RGPD2: variants seen among roughly 807,000 people sequenced by gnomAD.
RGPD2 encodes the protein RANBP2-like and GRIP domain-containing protein 2.
RGPD2 carries 2 observed loss-of-function variants against 36.0 expected under a neutral mutation model. That is an observed-to-expected ratio of 0.06 (90% CI 0.02 to 0.17). The LOEUF (loss-of-function observed/expected upper bound fraction) is 0.17, where lower values mean the gene tolerates loss of function less well. RGPD2 is among the 10% of genes least tolerant of loss of function. The pLI is 1.00. For synonymous variants in RGPD2, 19 were observed against 163.8 expected (o/e 0.12, Z 6.75); for missense variants, 40 against 464.3 (o/e 0.09, Z 8.40).
the RGPD2 span, among the ~76,000 whole-genome samples, chr2:87,887,129 AT>A: frequency 6.6e-6 from 1 of 150,402 alleles, no homozygotes; most frequent in African/African-American, 2.4e-5. Context: ...ATTTAAAAAA[AT>A]GTTAGTTTTC....
chr2:87,911,690 G>C, the RGPD2 span, among the ~76,000 whole-genome samples: 5 of 152,054 alleles, frequency 3.3e-5, no homozygotes, highest in African/African-American at 1.2e-4. Context: ...AGTTAAAATA[G>C]TGTGTTATAC....
the RGPD2 span, among the ~76,000 whole-genome samples, chr2:87,882,166 T>C: frequency 6.6e-6 from 1 of 152,208 alleles, no homozygotes; most frequent in Non-Finnish European, 1.5e-5. Context: ...GGAGAGGACA[T>C]CGAAACTATG....
upstream of RGPD2, among the ~76,000 whole-genome samples, chr2:87,827,420 C>A (rs1686850379): frequency 6.7e-6 from 1 of 149,718 alleles, no homozygotes; most frequent in Admixed American, 6.7e-5. Flanking sequence ...GCTTTTTGAC[C>A]TTGAAAAAGT....
chr2:87,893,494 T>C, the RGPD2 span, among the ~76,000 whole-genome samples: 1,183 of 140,820 alleles, frequency 8.4e-3, 39 homozygotes, highest in South Asian at 0.024. Flanking sequence ...TAAGCTATTA[T>C]GTAAGCCTAA....
chr2:87,886,073 C>T, the RGPD2 span, among the ~76,000 whole-genome samples: 1 of 151,770 alleles, frequency 6.6e-6, no homozygotes, highest in Non-Finnish European at 1.5e-5. Flanking sequence ...AACCACCACA[C>T]CAAAAATCTC....
At chr2:87,824,807 G>A (rs1686599618) in intron 1 of RGPD2, 1 of 117,982 alleles carries the variant, frequency 8.5e-6, no homozygotes, top group Admixed American at 8.1e-5. Context: ...CGCCGCCGCC[G>A]CCGCCCGGCC....
the RGPD2 span, among the ~76,000 whole-genome samples, chr2:87,842,416 A>G: frequency 2.0e-5 from 3 of 149,944 alleles, no homozygotes; most frequent in African/African-American, 7.6e-5. Flanking sequence ...TACACCAATA[A>G]CAGATAAACA....
At chr2:87,840,356 T>G in the RGPD2 span, among the ~76,000 whole-genome samples, 8 of 134,266 alleles carry the variant, frequency 6.0e-5, no homozygotes, top group African/African-American at 2.2e-4. Flanking sequence ...CAATATGGAC[T>G]TGCCATACTC....
At chr2:87,985,662 T>C in the RGPD2 span, 1 of 1,361,872 alleles carries the variant, frequency 7.3e-7, no homozygotes, top group Admixed American at 1.8e-5. Flanking sequence ...CAATGTTATA[T>C]TACCAATTAT....
chr2:87,952,532 T>C, the RGPD2 span, among the ~76,000 whole-genome samples: 1 of 152,238 alleles, frequency 6.6e-6, no homozygotes, highest in Non-Finnish European at 1.5e-5. Flanking sequence ...AATTTGTAAA[T>C]GATTTTCAGC....
chr2:87,964,168 G>T, the RGPD2 span, among the ~76,000 whole-genome samples: 130 of 152,382 alleles, frequency 8.5e-4, no homozygotes, highest in African/African-American at 2.9e-3. Context: ...GAACTCAAAA[G>T]ACTTTTCTCT....
At chr2:87,989,799 G>A in the RGPD2 span, 1 of 1,302,076 alleles carries the variant, frequency 7.7e-7, no homozygotes, top group Admixed American at 2.0e-5. Flanking sequence ...AAGTTTTGAA[G>A]AATCCCTCAG....
chr2:87,935,427 G>A, the RGPD2 span, among the ~76,000 whole-genome samples: 1 of 148,684 alleles, frequency 6.7e-6, no homozygotes, highest in Non-Finnish European at 1.5e-5. Flanking sequence ...AAATGCTATG[G>A]CTCTATGAAC....
At chr2:87,876,407 C>T in the RGPD2 span, among the ~76,000 whole-genome samples, 2 of 152,202 alleles carry the variant, frequency 1.3e-5, no homozygotes, top group South Asian at 4.1e-4. Flanking sequence ...AGCTCCATCC[C>T]AGAAATTCTA....
upstream of RGPD2, among the ~76,000 whole-genome samples, chr2:87,829,589 G>A (rs1686920329): frequency 6.6e-6 from 1 of 150,974 alleles, no homozygotes; most frequent in Non-Finnish European, 1.5e-5. Flanking sequence ...AGGAGCAAAG[G>A]CAAGTCTTAG....
the RGPD2 span, among the ~76,000 whole-genome samples, chr2:87,847,072 A>G: frequency 6.6e-6 from 1 of 152,168 alleles, no homozygotes; most frequent in African/African-American, 2.4e-5. Context: ...TTTTTCATCA[A>G]CAGTGGTAAT....
chr2:87,943,706 T>A, the RGPD2 span, among the ~76,000 whole-genome samples: 2 of 151,870 alleles, frequency 1.3e-5, no homozygotes, highest in Non-Finnish European at 2.9e-5. Flanking sequence ...TCCTATAGCA[T>A]CTTTGCCTAC....
At chr2:87,825,546 C>T (rs1686743781) in intron 1 of RGPD2, 112 bp downstream of exon 1, 1 of 789,764 alleles carries the variant, frequency 1.3e-6, no homozygotes, top group African/African-American at 2.9e-5. Context: ...GCCGAGGCCG[C>T]CGCCCGGCCA....
intron 6 of RGPD2, among the ~76,000 whole-genome samples, chr2:87,809,657 ATC>A (rs1399554821): frequency 6.8e-6 from 1 of 146,822 alleles, no homozygotes; most frequent in Non-Finnish European, 1.5e-5. Flanking sequence ...CTGACAAACC[ATC>A]TGTCACCCAC....
Sources: allele counts gnomAD v4.1 joint callset (sites outside exome capture counted in the v4.1 genomes callset), GRCh38; gene constraint gnomAD v4.1.1; transcripts MANE v1.5; gene names NCBI Gene and HGNC (gene_info 2026-07-23, HGNC 2026-07-21).